The following ARHGAP10 variants were observed in gnomAD, a reference collection of about 807,000 sequenced individuals.
ARHGAP10 encodes rho GTPase-activating protein 10.
ARHGAP10 carries 87 observed loss-of-function variants against 108.6 expected under a neutral mutation model. That is an observed-to-expected ratio of 0.80 (90% CI 0.67 to 0.96). ARHGAP10 has a LOEUF of 0.96. ARHGAP10 is among the 40% of genes least tolerant of loss of function. The pLI is 0.00. For synonymous variants in ARHGAP10, 347 were observed against 341.1 expected (o/e 1.02, Z -0.19); for missense variants, 939 against 954.5 (o/e 0.98, Z 0.21).
At chr4:147,873,287 C>T (rs1454540746) in intron 7 of ARHGAP10, among the ~76,000 whole-genome samples, 1 of 152,078 alleles carries the variant, frequency 6.6e-6, no homozygotes, top group Non-Finnish European at 1.5e-5. Context: ...TCGAAGGGAC[C>T]TCCTGCTGCT....
rs565171951 is a variant in ARHGAP10 at position 148,070,609 on chromosome 4, GA to G, written c.2273-1377del. 3.3e-5 allele frequency among the ~76,000 whole-genome samples: 5 copies of G among 152,226 alleles called. No individual in the cohort carries two copies. In the East Asian group the frequency reaches 7.7e-4, roughly 23 times the overall value. On this transcript the variant is annotated intron_variant, in intron 22 of 22. Coordinates refer to ENST00000336498, the MANE Select transcript of ARHGAP10 (RefSeq NM_024605.4). ...ATACTTTTCTACACAAATCTATGGG[GA>G]AAAAAAGAGTAGAATACAGAAAGGA...
chr4:147,971,414 G>A (rs1000371934), intron 18 of ARHGAP10, among the ~76,000 whole-genome samples: 35 of 152,292 alleles, frequency 2.3e-4, no homozygotes, highest in Admixed American at 1.9e-3. Flanking sequence ...ACAAGATATG[G>A]CAGAGAATAA....
chr4:147,939,701 G>T, intron 13 of ARHGAP10, 124 bp from the exon 14 acceptor site: 1 of 850,786 alleles, frequency 1.2e-6, no homozygotes. Context: ...TTTTTCAAAG[G>T]TTATTTTTAT....
chr4:147,824,819 A>G (rs1732640068), intron 3 of ARHGAP10, among the ~76,000 whole-genome samples: 1 of 152,134 alleles, frequency 6.6e-6, no homozygotes, highest in Admixed American at 6.5e-5. Flanking sequence ...CTTTCGTGTA[A>G]GATTTGGGTG....
In ARHGAP10 at chr4:147,793,500, G is replaced by T. The variant is rs150968605; in HGVS notation, c.155-29227G>T. ...ATATCTAGAAAAAGAATGGGGCCTT[G>T]AAAGGAGGAGTTGGACCTGGGATCT... On this transcript the variant is annotated intron_variant, in intron 1 of 22. Transcript: ENST00000336498. 3.0e-4 allele frequency among the ~76,000 whole-genome samples: 46 copies of T among 152,164 alleles called. No homozygotes were observed. In the East Asian group the frequency reaches 8.5e-3, roughly 28 times the overall value.
At chr4:147,950,968 A>G (rs543673648) in intron 15 of ARHGAP10, among the ~76,000 whole-genome samples, 2 of 152,248 alleles carry the variant, frequency 1.3e-5, no homozygotes, top group African/African-American at 4.8e-5. Flanking sequence ...ATATCCCCCA[A>G]CAGATCCCAA....
At chr4:147,946,413 A>G (rs1421577112) in intron 14 of ARHGAP10, 8 of 483,084 alleles carry the variant, frequency 1.7e-5, no homozygotes, top group Non-Finnish European at 2.9e-5. Context: ...TTTGATCTCT[A>G]CTACAGATTT....
At chr4:147,866,664 T>A in intron 6 of ARHGAP10, 48 bp from the exon 7 acceptor site, 1 of 1,393,842 alleles carries the variant, frequency 7.2e-7, no homozygotes, top group South Asian at 1.2e-5. Context: ...ATTCTTTTTT[T>A]CTCCTGAGTT....
At chr4:147,994,916 AC>A (rs1301067074) in intron 18 of ARHGAP10, among the ~76,000 whole-genome samples, 12 of 152,256 alleles carry the variant, frequency 7.9e-5, no homozygotes, top group African/African-American at 2.9e-4. Context: ...GCTAATAAGC[AC>A]AGAGTAAGCT....
intron 12 of ARHGAP10, among the ~76,000 whole-genome samples, chr4:147,910,317 C>T (rs1365568596): frequency 6.6e-6 from 1 of 151,384 alleles, no homozygotes; most frequent in East Asian, 1.9e-4. Context: ...GTCACCTTGC[C>T]TGGCCTATGG....
intron 4 of ARHGAP10, among the ~76,000 whole-genome samples, chr4:147,852,725 TTTTTTA>T (rs1183025375): frequency 0.071 from 3,460 of 48,896 alleles, 180 homozygotes; most frequent in African/African-American, 0.15. Flanking sequence ...TTTTTTTTTT[TTTTTTA>T]AAATGGAGCG....
intron 19 of ARHGAP10, among the ~76,000 whole-genome samples, chr4:148,023,862 C>T (rs921247040): frequency 6.6e-6 from 1 of 152,362 alleles, no homozygotes; most frequent in Non-Finnish European, 1.5e-5. Context: ...ACTTGTTCAT[C>T]AGGCAGAATG....
chr4:147,987,942 A>G (rs1184712931), intron 18 of ARHGAP10, among the ~76,000 whole-genome samples: 1 of 152,234 alleles, frequency 6.6e-6, no homozygotes, highest in Non-Finnish European at 1.5e-5. Context: ...ACTTTTACTT[A>G]TGCCACTTTG....
At chr4:147,775,773 A>G (rs143204656) in intron 1 of ARHGAP10, among the ~76,000 whole-genome samples, 1 of 152,320 alleles carries the variant, frequency 6.6e-6, no homozygotes, top group African/African-American at 2.4e-5. Context: ...GAATTATGGT[A>G]TAAAACAGCA....
chr4:147,857,164 G>A (rs1338102168), intron 4 of ARHGAP10, among the ~76,000 whole-genome samples: 1 of 152,152 alleles, frequency 6.6e-6, no homozygotes. Flanking sequence ...CATTTTAAAC[G>A]AATTCCACGT....
At chr4:148,053,364 G>C (rs140901360) in intron 20 of ARHGAP10, among the ~76,000 whole-genome samples, 1 of 152,342 alleles carries the variant, frequency 6.6e-6, no homozygotes, top group African/African-American at 2.4e-5. Context: ...GGTTTGAAGA[G>C]GGAGCACTGA....
intron 1 of ARHGAP10, among the ~76,000 whole-genome samples, chr4:147,777,843 CAATTTTGTGTTTTTAAT>C (rs1730359693): frequency 6.6e-6 from 1 of 151,846 alleles, no homozygotes; most frequent in Admixed American, 6.6e-5. Context: ...ATTGTGCCAT[CAATTTTGTGTTTTTAAT>C]AATCCAAGTT....
rs577185643 is a variant in ARHGAP10 at position 148,044,239 on chromosome 4, C to G, written c.1868-2653C>G. Among the ~76,000 whole-genome samples, 11 of 152,186 alleles carry G rather than the reference C, an allele frequency of 7.2e-5. No homozygotes were observed. In the South Asian group the frequency reaches 1.5e-3, roughly 20 times the overall value. On this transcript the variant is annotated intron_variant, in intron 19 of 22. Transcript: ENST00000336498. ...TTAGAGGCAGTGTAAATGATCTGCT[C>G]TATCTGGTTGTAAAAACATTTCAGG... is the stretch of plus-strand genomic sequence containing the variant.
At chr4:147,785,083 TAA>T (rs368685839) in intron 1 of ARHGAP10, among the ~76,000 whole-genome samples, 2 of 118,802 alleles carry the variant, frequency 1.7e-5, no homozygotes, top group African/African-American at 6.1e-5. Flanking sequence ...GACTATTTTC[TAA>T]AAAAAAAAAA....
Sources: gnomAD v4.1 joint callset for allele counts (sites outside exome capture counted in the v4.1 genomes callset) on GRCh38, gnomAD v4.1.1 for gene constraint, MANE v1.5 for transcripts, NCBI Gene and HGNC (gene_info 2026-07-23, HGNC 2026-07-21) for gene names.